The following LRP8 variants were observed in gnomAD, a reference collection of about 807,000 sequenced individuals.
The protein encoded by LRP8 is LDL receptor related protein 8.
LRP8 carries 46 observed loss-of-function variants against 111.6 expected under a neutral mutation model. The ratio of observed to expected loss-of-function variants is 0.41; its 90% CI spans 0.33 to 0.53. LRP8 has a LOEUF of 0.53. LRP8 is among the 20% of genes least tolerant of loss of function. The pLI is 0.20. For missense variants in LRP8, 959 were observed against 1,297.4 expected (o/e 0.74, Z 4.01); for synonymous variants, 464 against 511.2 (o/e 0.91, Z 1.24).
chr1:53,262,383 T>G lies in LRP8; in HGVS notation c.1774+63A>C. 2 of 1,552,508 alleles carry G rather than the reference T, an allele frequency of 1.3e-6. No homozygotes were observed. The highest frequency in any genetic ancestry group is 1.8e-6 in the Non-Finnish European group (2 of 1,126,658). ...GACCCAGAAACAAGACTCATGGAGT[T>G]CCAGACAGTGATCAGGACAAGGCAC... On this transcript the variant is annotated intron_variant, in intron 11 of 18. Transcript: ENST00000306052. This position sits in a 1 kb window ranked among gnomAD's most constrained non-coding sequence, Gnocchi z 4.8.
chr1:53,327,746 G>A, intron 1 of LRP8, 43 bp downstream of exon 1: 2 of 1,439,454 alleles, frequency 1.4e-6, no homozygotes, highest in East Asian at 3.0e-5. Context: ...TTTGTTGGTG[G>A]CTAGGGCGGA....
At position 53,317,769 on chromosome 1, in the gene LRP8, C is replaced by G. The variant is rs1446119880; in HGVS notation, c.244+9104G>C. Reference sequence around the variant, plus strand: ...GGAAAGTCTCATGAAGCTGGTGGGCCTCACTCCATTTTTCTCCATCACTGC... The same window carrying G: ...GGAAAGTCTCATGAAGCTGGTGGGCGTCACTCCATTTTTCTCCATCACTGC... On this transcript the variant is annotated intron_variant, in intron 2 of 18. Coordinates refer to ENST00000306052, the MANE Select transcript of LRP8 (RefSeq NM_004631.5). The surrounding 1 kb of genome is among the most constrained non-coding windows in gnomAD (Gnocchi z 4.9). 6.6e-6 allele frequency among the ~76,000 whole-genome samples: 1 copy of G among 152,196 alleles called. No individual in the cohort carries two copies. Among genetic ancestry groups the G allele is most frequent in the Non-Finnish European group, 1.5e-5 (1 of 68,036 alleles).
intron 8 of LRP8, among the ~76,000 whole-genome samples, chr1:53,268,794 C>T (rs1156421626): frequency 2.0e-5 from 3 of 152,178 alleles, no homozygotes; most frequent in African/African-American, 7.2e-5. Context: ...CCACATTCCA[C>T]ATTCAATTCA....
rs938017788 is a variant in LRP8 at position 53,242,864 on chromosome 1, C to G, written c.*4154G>C. On this transcript the variant is annotated 3_prime_UTR_variant, in exon 19 of 19. Coordinates refer to ENST00000306052, the MANE Select transcript of LRP8 (RefSeq NM_004631.5). ...ATATATATATATATATATATACACA[C>G]ACACACACGTGGCTTTTTAAAAATT... The G allele has an allele frequency of 6.7e-6, 1 of 149,012 alleles. No individual in the cohort carries two copies. The highest frequency in any genetic ancestry group is 2.0e-4 in the East Asian group (1 of 4,962). The allele number at this position is 149,012 out of a possible 1,614,324, so 9.2% of individuals were successfully genotyped here. A position where few individuals can be genotyped will look rare whatever the true frequency, so the allele number is the denominator to read the frequency against.
intron 2 of LRP8, among the ~76,000 whole-genome samples, chr1:53,313,386 GGGCACAGTGCACACTCGGAGCCCAGA>G (rs145711293): frequency 0.098 from 14,955 of 152,138 alleles, 765 homozygotes; most frequent in South Asian, 0.16. Flanking sequence ...AAGGGGTCAG[GGGCACAGTGCACACTCGGAGCCCAGA>G]GGCACCCTCC....
rs1244094232 is a variant in LRP8, at chr1:53,276,942, G to A, written c.633C>T (p.Phe211=). 1 of 1,464,652 alleles carries A rather than the reference G, an allele frequency of 6.8e-7. No individual in the cohort carries two copies. Among genetic ancestry groups the A allele is most frequent in the Non-Finnish European group, 9.0e-7 (1 of 1,111,402 alleles). The allele number at this position is 1,464,652 out of a possible 1,614,324, so 90.7% of individuals were successfully genotyped here. The change falls in exon 5 of 19, where the codon TTC becomes TTT. Residue 211 remains phenylalanine (F), a synonymous_variant. Coordinates refer to ENST00000306052, the MANE Select transcript of LRP8 (RefSeq NM_004631.5). ...CADPACGPRE[F]RCGGDGGGAC... Reference sequence around the variant, plus strand: ...CGCCGCCGCCATCGCCGCCGCAGCGGAACTCGCGGGGCCCGCAGGCCGGGT... The same window carrying A: ...CGCCGCCGCCATCGCCGCCGCAGCGAAACTCGCGGGGCCCGCAGGCCGGGT...
chr1:53,297,002 T>A (rs927401292), intron 2 of LRP8, among the ~76,000 whole-genome samples: 1 of 151,806 alleles, frequency 6.6e-6, no homozygotes, highest in South Asian at 2.1e-4. Flanking sequence ...CCAGCAGATC[T>A]GGGGTCCAGC....
chr1:53,298,565 A>T (rs1650197356), intron 2 of LRP8, among the ~76,000 whole-genome samples: 1 of 152,208 alleles, frequency 6.6e-6, no homozygotes, highest in South Asian at 2.1e-4. Flanking sequence ...AAACAGCTAG[A>T]AGAAAACTCA....
rs2100421517 is a variant in LRP8 at position 53,276,762 on chromosome 1, C to T, written c.813G>A (p.Glu271=). 6 of 1,459,264 alleles carry T rather than the reference C, an allele frequency of 4.1e-6. No homozygotes were observed. Among genetic ancestry groups the T allele is most frequent in the Non-Finnish European group, 5.4e-6 (6 of 1,103,184 alleles). 90.4% of individuals were successfully genotyped at this position (1,459,264 alleles called of 1,614,324 possible). A position where few individuals can be genotyped will look rare whatever the true frequency, so the allele number is the denominator to read the frequency against. Reference sequence around the variant, plus strand: ...CGCAGCGCCAGCCCAGGTGCACGCACTCGCCGCTGCGGCAGGCGAACTGGG... The same window carrying T: ...CGCAGCGCCAGCCCAGGTGCACGCATTCGCCGCTGCGGCAGGCGAACTGGG... ...TASQFACRSG[E]CVHLGWRCDG... is the part of the protein sequence containing the mutation. Residue 271 remains glutamate (E), a synonymous_variant, in exon 5 of 19, where the codon GAG becomes GAA. Transcript: ENST00000306052.
intron 2 of LRP8, among the ~76,000 whole-genome samples, chr1:53,321,132 T>A (rs1214311201): frequency 1.3e-5 from 2 of 152,228 alleles, no homozygotes; most frequent in Non-Finnish European, 1.5e-5. Context: ...GACTTTGGAA[T>A]TCCTACTGCC....
At chr1:53,308,593 G>A (rs1652429035) in intron 2 of LRP8, among the ~76,000 whole-genome samples, 1 of 152,216 alleles carries the variant, frequency 6.6e-6, no homozygotes. Context: ...TAACATTAAT[G>A]TGACGGATCT....
In LRP8 at chr1:53,250,387, T is replaced by A. The variant is rs2100338734; in HGVS notation, c.2676+303A>T. Among the ~76,000 whole-genome samples the A allele has an allele frequency of 6.6e-6, 1 of 152,308 alleles. No individual in the cohort carries two copies. Among genetic ancestry groups the A allele is most frequent in the South Asian group, 2.1e-4 (1 of 4,828 alleles). On this transcript the variant is annotated intron_variant, in intron 17 of 18. Coordinates refer to ENST00000306052, the MANE Select transcript of LRP8 (RefSeq NM_004631.5). This position sits in a 1 kb window ranked among gnomAD's most constrained non-coding sequence, Gnocchi z 4.6. ...AGGTGGTCCTGATACCTTTTTACCT[T>A]AACCACCTACCCCAGCATTTCTGTG...
rs1646752109 is a variant in LRP8 at position 53,271,229 on chromosome 1, C to A, written c.1124G>T (p.Gly375Val). The change falls in exon 7 of 19, where the codon GGC (glycine) becomes GTC (valine). Residue 375 changes from glycine (G) to valine (V), a missense_variant and splice_region_variant. Gly to Val is a moderately radical substitution (Grantham distance 109). Transcript: ENST00000306052. Reference sequence around the variant, plus strand: ...GGGGGTGTGGGAGAAGGTCTCACCGCCACAGGTCTTCTGGTCCAGGAGCTG... The same window carrying A: ...GGGGGTGTGGGAGAAGGTCTCACCGACACAGGTCTTCTGGTCCAGGAGCTG... ...GFQLLDQKTC[G>V]DIDECKDPDA... 1 of 1,613,826 alleles carries A rather than the reference C, an allele frequency of 6.2e-7. No individual in the cohort carries two copies. The highest frequency in any genetic ancestry group is 1.3e-5 in the African/African-American group (1 of 74,812).
intron 3 of LRP8, among the ~76,000 whole-genome samples, chr1:53,289,114 T>A (rs1648154074): frequency 6.6e-6 from 1 of 152,218 alleles, no homozygotes; most frequent in African/African-American, 2.4e-5. Flanking sequence ...GTGTTCTCCG[T>A]TACAAAACTC....
At chr1:53,320,271 A>G (rs1189264032) in intron 2 of LRP8, among the ~76,000 whole-genome samples, 2 of 152,222 alleles carry the variant, frequency 1.3e-5, no homozygotes, top group Non-Finnish European at 2.9e-5. Flanking sequence ...CGGTACTGCA[A>G]AAGGCTTGTG....
chr1:53,278,786 TGAGATG>T (rs1297917137), intron 4 of LRP8, among the ~76,000 whole-genome samples: 1 of 151,264 alleles, frequency 6.6e-6, no homozygotes, highest in Non-Finnish European at 1.5e-5. Context: ...TTTTCTTTTT[TGAGATG>T]GAGTCTCGCT....
At chr1:53,319,237 A>G (rs1006104036) in intron 2 of LRP8, among the ~76,000 whole-genome samples, 1 of 152,174 alleles carries the variant, frequency 6.6e-6, no homozygotes, top group Non-Finnish European at 1.5e-5. Context: ...GCTGGAAACT[A>G]AGATGCCCTC....
intron 10 of LRP8, 146 bp downstream of exon 10, chr1:53,264,023 G>T (rs1307980024): frequency 1.1e-5 from 8 of 748,662 alleles, no homozygotes; most frequent in Non-Finnish European, 1.5e-5. Context: ...GAGAACCTTG[G>T]TTGGGGATTA....
At position 53,312,780 on chromosome 1, in the gene LRP8, C is replaced by T. The variant is rs1432407264; in HGVS notation, c.244+14093G>A. ...GGCTTGGGGGCTCAGCTAGACTGGT[C>T]AAGTGTCCCAGTTTGCTCACAACTG... is the stretch of plus-strand genomic sequence containing the variant. On this transcript the variant is annotated intron_variant, in intron 2 of 18. Coordinates refer to ENST00000306052, the MANE Select transcript of LRP8 (RefSeq NM_004631.5). 3.9e-5 allele frequency among the ~76,000 whole-genome samples: 6 copies of T among 152,092 alleles called. No individual in the cohort carries two copies. The East Asian group carries it at 9.6e-4, about 24-fold the overall frequency.
Sources: allele counts gnomAD v4.1 joint callset (sites outside exome capture counted in the v4.1 genomes callset), GRCh38; gene constraint gnomAD v4.1.1; non-coding constraint Gnocchi (gnomAD v3.1); transcripts MANE v1.5; gene names NCBI Gene and HGNC (gene_info 2026-07-23, HGNC 2026-07-21).